The following WBP11 variants were observed in gnomAD, a reference collection of about 807,000 sequenced individuals.
WBP11 encodes WW domain-binding protein 11.
Under a neutral mutation model 66.7 loss-of-function variants are expected in WBP11, and 12 were observed. That is an observed-to-expected ratio of 0.18 (90% CI 0.12 to 0.29). WBP11 has a LOEUF of 0.29. WBP11 is among the 10% of genes least tolerant of loss of function. The pLI is 1.00. For missense variants in WBP11, 555 were observed against 818.3 expected (o/e 0.68, Z 3.93); for synonymous variants, 255 against 273.8 (o/e 0.93, Z 0.68).
At chr12:14,790,771 G>C in intron 9 of WBP11, 22 bp from the exon 10 acceptor site, 2 of 1,597,590 alleles carry the variant, frequency 1.3e-6, no homozygotes, top group Non-Finnish European at 1.7e-6. Context: ...TTTAAACCCA[G>C]TAAATGGAGT....
At chr12:14,793,699 A>G (rs1949851131) in intron 8 of WBP11, 32 bp downstream of exon 8, 3 of 1,603,766 alleles carry the variant, frequency 1.9e-6, no homozygotes, top group South Asian at 1.1e-5. Flanking sequence ...CTCTTTATTG[A>G]TCAATACCAT....
chr12:14,797,645 T>C (rs574251407), intron 4 of WBP11, among the ~76,000 whole-genome samples: 1 of 152,210 alleles, frequency 6.6e-6, no homozygotes, highest in South Asian at 2.1e-4. Context: ...ATCTTCCTTT[T>C]CAGTGAATGA....
chr12:14,797,558 T>G (rs928331022), intron 4 of WBP11, among the ~76,000 whole-genome samples: 1 of 152,202 alleles, frequency 6.6e-6, no homozygotes, highest in Non-Finnish European at 1.5e-5. Context: ...TAATCATGTG[T>G]CAATATGGGG....
chr12:14,796,648 C>T lies in WBP11; in HGVS notation c.387+159G>A, dbSNP rs755669597. Reference sequence around the variant, plus strand: ...TTTCATGCTTAGACTAGGGTTCCATCCCCAAAATATATGCAAATATACACA... The same window carrying T: ...TTTCATGCTTAGACTAGGGTTCCATTCCCAAAATATATGCAAATATACACA... On this transcript the variant is annotated intron_variant, in intron 5 of 11. Coordinates refer to ENST00000261167, the MANE Select transcript of WBP11 (RefSeq NM_016312.3). This position sits in a 1 kb window ranked among gnomAD's most constrained non-coding sequence, Gnocchi z 4.5. Among the ~76,000 whole-genome samples the T allele has an allele frequency of 4.7e-4, 72 of 151,930 alleles. No individual in the cohort carries two copies. Among genetic ancestry groups the T allele is most frequent in the Non-Finnish European group, 1.0e-3 (68 of 67,986 alleles).
Position 14,796,158 on chromosome 12 carries a change from A to G in WBP11, c.387+649T>C, listed in dbSNP as rs549215288. On this transcript the variant is annotated intron_variant, in intron 5 of 11. Transcript: ENST00000261167. The surrounding 1 kb of genome is among the most constrained non-coding windows in gnomAD (Gnocchi z 4.5). ...GAGATAAACTTAGCATGTTTTTGAG[A>G]TTTACTCACAATTTTTCTTTTTTTA... 6.6e-6 allele frequency among the ~76,000 whole-genome samples: 1 copy of G among 152,234 alleles called. No homozygotes were observed. The highest frequency in any genetic ancestry group is 1.9e-4 in the East Asian group (1 of 5,188).
chr12:14,796,833 G>A lies in WBP11; in HGVS notation c.361C>T (p.Leu121Phe), dbSNP rs1207254012. ...TTGACAGCATCAAAATATTGGCTAA[G>A]TTGAGCCCTCTTCTGTTCATATTCT... ...EVEYEQKRAQ[L>F]SQYFDAVKNA... Residue 121 changes from leucine (L) to phenylalanine (F), a missense_variant, in exon 5 of 12, where the codon CTT (leucine) becomes TTT (phenylalanine). Around this residue, in one of 6 missense-constraint regions of WBP11, gnomAD observed 220 missense variants for 268.2 expected, o/e 0.82. Transcript: ENST00000261167. This position sits in a 1 kb window ranked among gnomAD's most constrained non-coding sequence, Gnocchi z 4.5. The A allele has an allele frequency of 6.3e-7, 1 of 1,599,286 alleles. No homozygotes were observed. Among genetic ancestry groups the A allele is most frequent in the Non-Finnish European group, 8.5e-7 (1 of 1,175,938 alleles).
chr12:14,799,141 T>C (rs532482226), intron 4 of WBP11, among the ~76,000 whole-genome samples: 7 of 152,252 alleles, frequency 4.6e-5, no homozygotes, highest in African/African-American at 1.7e-4. Context: ...AATCCTGGTA[T>C]AGTATTTTAT....
At chr12:14,794,412 A>C (rs1324332433) in intron 7 of WBP11, 125 bp downstream of exon 7, 1 of 1,001,788 alleles carries the variant, frequency 1.0e-6, no homozygotes, top group East Asian at 2.4e-5. Flanking sequence ...AACTGTATGT[A>C]TATTAGTTAT....
rs1424216804 is a variant in WBP11 at position 14,786,228 on chromosome 12, T to C, written c.*837A>G. ...TGAAGGTAAGACATCTTTTAAATAA[T>C]AAAAGCCAAACCATACTATTCTTAA... is the stretch of plus-strand genomic sequence containing the variant. On this transcript the variant is annotated 3_prime_UTR_variant, in exon 12 of 12. Transcript: ENST00000261167. 6.6e-6 allele frequency: 1 copy of C among 152,152 alleles called. No homozygotes were observed. Among genetic ancestry groups the C allele is most frequent in the Non-Finnish European group, 1.5e-5 (1 of 68,010 alleles). 9.4% of individuals were successfully genotyped at this position (152,152 alleles called of 1,614,324 possible).
At position 14,793,887 on chromosome 12, in the gene WBP11, T is replaced by C. The variant is rs1339015088; in HGVS notation, c.757A>G (p.Ser253Gly). Reference sequence around the variant, plus strand: ...TCCTCAGGATAGCCATCATCTTCACTGGTGCTAGAAACATCATCATCATGA... The same window carrying C: ...TCCTCAGGATAGCCATCATCTTCACCGGTGCTAGAAACATCATCATCATGA... ...RGHDDDVSST[S>G]EDDGYPEDMD... The change falls in exon 8 of 12, where the codon AGT becomes GGT. Residue 253 changes from serine (S) to glycine (G), a missense_variant. Ser to Gly is a moderately conservative substitution (Grantham distance 56, BLOSUM62 0). Around this residue, in one of 6 missense-constraint regions of WBP11, gnomAD observed 220 missense variants for 268.2 expected, o/e 0.82. Transcript: ENST00000261167. 1 of 1,613,728 alleles carries C rather than the reference T, an allele frequency of 6.2e-7. No homozygotes were observed. Among genetic ancestry groups the C allele is most frequent in the East Asian group, 2.2e-5 (1 of 44,844 alleles).
At position 14,794,906 on chromosome 12, in the gene WBP11, T is replaced by C. The variant is rs1001587940; in HGVS notation, c.521+65A>G. 8 of 1,609,878 alleles carry C rather than the reference T, an allele frequency of 5.0e-6. No individual in the cohort carries two copies. The African/African-American group carries it at 8.0e-5, about 16-fold the overall frequency. ...TCTTTTATTTCCCTCTGCATTAATTTTGGCACTGGACAGTCAACTTGTGCC... is the reference window on the plus strand; with the variant it reads ...TCTTTTATTTCCCTCTGCATTAATTCTGGCACTGGACAGTCAACTTGTGCC... On this transcript the variant is annotated intron_variant, in intron 6 of 11. Transcript: ENST00000261167.
chr12:14,794,975 A>T lies in WBP11; in HGVS notation c.517T>A (p.Tyr173Asn). 1.2e-6 allele frequency: 2 copies of T among 1,612,118 alleles called. No individual in the cohort carries two copies. The highest frequency in any genetic ancestry group is 1.7e-6 in the Non-Finnish European group (2 of 1,179,942). ...ATTGTGACACTGCTTCCTTACCCAT[A>T]GGCTGAGGTTTTCTTTAGGATAGAG... ...PPSILKKTSAYGPPTRAVSIL... is the reference protein window; with the variant it reads ...PPSILKKTSANGPPTRAVSIL... Residue 173 changes from tyrosine to asparagine, a missense_variant, in exon 6 of 12, where the codon TAT (tyrosine) becomes AAT (asparagine). By Grantham distance (143) the Tyr-to-Asn change is moderately radical. Coordinates refer to ENST00000261167, the MANE Select transcript of WBP11 (RefSeq NM_016312.3).
intron 4 of WBP11, 21 bp downstream of exon 4, chr12:14,799,614 T>C (rs1200891443): frequency 6.2e-7 from 1 of 1,609,362 alleles, no homozygotes; most frequent in South Asian, 1.1e-5. Flanking sequence ...CTGTTATAGC[T>C]GCCTGTTTGT....
Position 14,790,583 on chromosome 12 carries a change from C to A in WBP11, c.1182G>T (p.Pro394=). The A allele has an allele frequency of 6.2e-7, 1 of 1,613,948 alleles. No homozygotes were observed. The highest frequency in any genetic ancestry group is 8.5e-7 in the Non-Finnish European group (1 of 1,179,864). ...GTATCTGAGAAGGAGGAACAGACTG[C>A]GGCGGAGCCTGCTGCTGTGAAGAAG... The part of the protein sequence containing the change: ...STASSQQQAP[P]QSVPPSQIQA... Residue 394 remains proline (P), a synonymous_variant, in exon 10 of 12, where the codon CCG becomes CCT. Transcript: ENST00000261167.
At position 14,790,601 on chromosome 12, in the gene WBP11, TGAA is replaced by T. The variant is rs1423558993; in HGVS notation, c.1161_1163del (p.Ser388del). 1.2e-6 allele frequency: 2 copies of T among 1,614,028 alleles called. No homozygotes were observed. Among genetic ancestry groups the T allele is most frequent in the East Asian group, 2.2e-5 (1 of 44,888 alleles). On this transcript the variant is annotated inframe_deletion, in exon 10 of 12. Coordinates refer to ENST00000261167, the MANE Select transcript of WBP11 (RefSeq NM_016312.3). The stretch of plus-strand genomic sequence containing the variant: ...CAGACTGCGGCGGAGCCTGCTGCTG[TGAA>T]GAAGCAGTGGATGTGCCATCAGAAT...
rs1274798323 is a variant in WBP11, at chr12:14,794,444, ACTTT to A, written c.721+89_721+92del. Reference sequence around the variant, plus strand: ...TTATGTACATGATACCCTCTCATTTACTTTCTAAGTTCTGAGGGTGGTGAACAAT... The same window carrying A: ...TTATGTACATGATACCCTCTCATTTACTAAGTTCTGAGGGTGGTGAACAAT... On this transcript the variant is annotated intron_variant, in intron 7 of 11. Transcript: ENST00000261167. The A allele has an allele frequency of 3.5e-5, 49 of 1,385,012 alleles. No individual in the cohort carries two copies. In the African/African-American group the frequency reaches 5.7e-4, roughly 16 times the overall value. 85.8% of individuals were successfully genotyped at this position (1,385,012 alleles called of 1,614,324 possible).
Position 14,799,480 on chromosome 12 carries a change from A to G in WBP11, c.190+155T>C, listed in dbSNP as rs1949933283. Reference sequence around the variant, plus strand: ...GGTCTCCAGTTTGCAACAGCCCTCTAGCACTCCATTTTGTCTCCCTGAAAC... The same window carrying G: ...GGTCTCCAGTTTGCAACAGCCCTCTGGCACTCCATTTTGTCTCCCTGAAAC... On this transcript the variant is annotated intron_variant, in intron 4 of 11. Coordinates refer to ENST00000261167, the MANE Select transcript of WBP11 (RefSeq NM_016312.3). The G allele has an allele frequency of 7.0e-5, 46 of 660,456 alleles. No individual in the cohort carries two copies. In the South Asian group the frequency reaches 1.0e-3, roughly 15 times the overall value. The allele number at this position is 660,456 out of a possible 1,614,324, so 40.9% of individuals were successfully genotyped here.
Position 14,794,624 on chromosome 12 carries a change from C to G in WBP11, c.634G>C (p.Val212Leu). ...PPPGPPPPQV[V>L]QMYGRKVGFA... The stretch of plus-strand genomic sequence containing the variant: ...CCCACTTTACGGCCATACATCTGCA[C>G]GACTTGAGGAGGAGGTGGACCAGGG... The change falls in exon 7 of 12, where the codon GTG (valine) becomes CTG (leucine). Residue 212 changes from valine (V) to leucine (L), a missense_variant. Around this residue, in one of 6 missense-constraint regions of WBP11, gnomAD observed 220 missense variants for 268.2 expected, o/e 0.82. Coordinates refer to ENST00000261167, the MANE Select transcript of WBP11 (RefSeq NM_016312.3). 6.2e-7 allele frequency: 1 copy of G among 1,613,850 alleles called. No homozygotes were observed. The highest frequency in any genetic ancestry group is 8.5e-7 in the Non-Finnish European group (1 of 1,179,982).
Position 14,787,307 on chromosome 12 carries a change from T to C in WBP11, c.1684A>G (p.Ile562Val). ...ATIEKKATAT[I>V]SAKPQITNPK... ...TTAGTGATCTGTGGCTTGGCACTGA[T>C]GGTTGCTGTGGCTTTCTTCTCAATG... The change falls in exon 12 of 12, where the codon ATC becomes GTC. Residue 562 changes from isoleucine to valine, a missense_variant. By Grantham distance (29) the Ile-to-Val change is conservative. Around this residue, in one of 6 missense-constraint regions of WBP11, gnomAD observed 230 missense variants for 286.3 expected, o/e 0.80. Transcript: ENST00000261167. 1 of 1,614,128 alleles carries C rather than the reference T, an allele frequency of 6.2e-7. No homozygotes were observed. Among genetic ancestry groups the C allele is most frequent in the Non-Finnish European group, 8.5e-7 (1 of 1,180,016 alleles).
Sources: allele counts gnomAD v4.1 joint callset (sites outside exome capture counted in the v4.1 genomes callset), GRCh38; gene constraint gnomAD v4.1.1; regional missense constraint gnomAD v4.1.1; non-coding constraint Gnocchi (gnomAD v3.1); transcripts MANE v1.5; gene names NCBI Gene and HGNC (gene_info 2026-07-23, HGNC 2026-07-21).